RNF19B: variants seen among roughly 807,000 people sequenced by gnomAD.
RNF19B encodes the protein ring finger protein 19B.
RNF19B carries 23 observed loss-of-function variants against 65.5 expected under a neutral mutation model. The ratio of observed to expected loss-of-function variants is 0.35; its 90% CI spans 0.25 to 0.50. The LOEUF is 0.50. Ranked by LOEUF, RNF19B falls within the 20% of genes least tolerant of loss-of-function variation. The probability of loss-of-function intolerance (pLI) is 0.98; values close to 1 mark genes in which losing one functional copy is unlikely to be tolerated. For synonymous variants in RNF19B, 372 were observed against 379.6 expected (o/e 0.98, Z 0.23); for missense variants, 794 against 980.0 (o/e 0.81, Z 2.53).
At chr1:32,955,913 T>C (rs897851380) in intron 1 of RNF19B, among the ~76,000 whole-genome samples, 33 of 152,124 alleles carry the variant, frequency 2.2e-4, no homozygotes, top group African/African-American at 7.7e-4. Context: ...AAAAGAAAGG[T>C]GTAGAAAATT....
chr1:32,949,691 T>A lies in RNF19B; in HGVS notation c.719A>T (p.His240Leu). The A allele has an allele frequency of 6.2e-7, 1 of 1,613,860 alleles. No homozygotes were observed. The highest frequency in any genetic ancestry group is 8.5e-7 in the Non-Finnish European group (1 of 1,179,984). ...REGCQTEFCY[H>L]CKQIWHPNQT... ...ATTTGGATGCCATATCTGCTTGCAGTGGTAGCAGAACTCAGTCTGGCAACC... is the reference window on the plus strand; with the variant it reads ...ATTTGGATGCCATATCTGCTTGCAGAGGTAGCAGAACTCAGTCTGGCAACC... The change falls in exon 2 of 9, where the codon CAC becomes CTC. Residue 240 changes from histidine (H) to leucine (L), a missense_variant. By Grantham distance (99) the His-to-Leu change is moderately conservative. Coordinates refer to ENST00000235150, the MANE Select transcript of RNF19B (RefSeq NM_001300826.2).
At chr1:32,942,911 C>A (rs995222236) in intron 6 of RNF19B, among the ~76,000 whole-genome samples, 1 of 151,582 alleles carries the variant, frequency 6.6e-6, no homozygotes, top group Non-Finnish European at 1.5e-5. Context: ...GAGGCCGAGG[C>A]GGGCGGATCA....
At position 32,937,009 on chromosome 1, in the gene RNF19B, C is replaced by T. The variant is rs1642121414; in HGVS notation, c.1993G>A (p.Asp665Asn). 6.2e-7 allele frequency: 1 copy of T among 1,614,022 alleles called. No individual in the cohort carries two copies. Residue 665 changes from aspartate (D) to asparagine (N), a missense_variant, in exon 9 of 9, where the codon GAC (aspartate) becomes AAC (asparagine). Coordinates refer to ENST00000235150, the MANE Select transcript of RNF19B (RefSeq NM_001300826.2). ...SLAQPESIRS[D>N]LESSDAQSDD... ...GACTGTGCATCAGAACTCTCTAGGT[C>T]ACTGCGGATGCTTTCAGGCTGGGCC...
At chr1:32,950,330 T>C (rs753522948) in intron 1 of RNF19B, among the ~76,000 whole-genome samples, 10 of 152,078 alleles carry the variant, frequency 6.6e-5, no homozygotes, top group Non-Finnish European at 1.2e-4. Context: ...AAAGTGGAGG[T>C]GGAGTATCTT....
In RNF19B at chr1:32,937,088, G is replaced by T. The variant is rs1044078794; in HGVS notation, c.1914C>A (p.His638Gln). Reference protein sequence around the residue: ...GGSEEDPPCRHQSCEQKDCLA... With the variant: ...GGSEEDPPCRQQSCEQKDCLA... ...GGCAGTCTTTCTGTTCACAGCTTTG[G>T]TGTCTGCAGGGGGGATCCTCTTCAC... The change falls in exon 9 of 9, where the codon CAC becomes CAA. Residue 638 changes from histidine to glutamine, a missense_variant. By Grantham distance (24) the His-to-Gln change is conservative (BLOSUM62 0). Transcript: ENST00000235150. 6.2e-7 allele frequency: 1 copy of T among 1,614,160 alleles called. No homozygotes were observed. The highest frequency in any genetic ancestry group is 1.6e-4 in the Middle Eastern group (1 of 6,062).
At position 32,954,836 on chromosome 1, in the gene RNF19B, A is replaced by G. The variant is rs555409973; in HGVS notation, c.636-5062T>C. ...TCAAACGTAGCTAAACACGTTCTAA[A>G]ACTGCATGTGAGACCTTGTCCTCAA... is the stretch of plus-strand genomic sequence containing the variant. On this transcript the variant is annotated intron_variant, in intron 1 of 8. Transcript: ENST00000235150. Among the ~76,000 whole-genome samples the G allele has an allele frequency of 1.1e-3, 160 of 152,142 alleles. 1 individual carries two copies. Among genetic ancestry groups the G allele is most frequent in the African/African-American group, 3.7e-3 (153 of 41,550 alleles).
chr1:32,948,500 C>T, intron 2 of RNF19B, 137 bp from the exon 3 acceptor site: 1 of 841,422 alleles, frequency 1.2e-6, no homozygotes, highest in Non-Finnish European at 1.8e-6. Flanking sequence ...AATTGTACAA[C>T]CCACTTTACT....
chr1:32,934,472 GGAGTTCTA>G (rs1316572782), downstream of RNF19B, among the ~76,000 whole-genome samples: 1 of 152,106 alleles, frequency 6.6e-6, no homozygotes, highest in Admixed American at 6.6e-5. Context: ...ACTTGAGTCA[GGAGTTCTA>G]GACCAGCCTG....
At chr1:32,945,798 T>TA (rs1285974715) in intron 4 of RNF19B, among the ~76,000 whole-genome samples, 170 bp from the exon 5 acceptor site, 1 of 152,124 alleles carries the variant, frequency 6.6e-6, no homozygotes, top group Non-Finnish European at 1.5e-5. Context: ...CTGGAAGATA[T>TA]AAAGTAATAC....
Position 32,936,536 on chromosome 1 carries a change from T to A in RNF19B, c.*270A>T. 1 of 377,988 alleles carries A rather than the reference T, an allele frequency of 2.6e-6. No individual in the cohort carries two copies. 23.4% of individuals were successfully genotyped at this position (377,988 alleles called of 1,614,324 possible). ...TACACACATACATATGTACACTCTTTGACACACCTCATGGATTGCTGCCAT... is the reference window on the plus strand; with the variant it reads ...TACACACATACATATGTACACTCTTAGACACACCTCATGGATTGCTGCCAT... On this transcript the variant is annotated 3_prime_UTR_variant, in exon 9 of 9. Coordinates refer to ENST00000235150, the MANE Select transcript of RNF19B (RefSeq NM_001300826.2).
chr1:32,940,122 G>C (rs993529686), intron 7 of RNF19B, among the ~76,000 whole-genome samples: 2 of 152,248 alleles, frequency 1.3e-5, no homozygotes, highest in African/African-American at 4.8e-5. Context: ...GCAATGGAAA[G>C]TGCACAGTGT....
chr1:32,938,156 A>G (rs1172650218), intron 8 of RNF19B, among the ~76,000 whole-genome samples: 34 of 151,116 alleles, frequency 2.2e-4, no homozygotes, highest in South Asian at 2.1e-4. Flanking sequence ...AAAAAAAAAA[A>G]AAAAGAAAAA....
chr1:32,943,068 G>T (rs1015537410), intron 6 of RNF19B, among the ~76,000 whole-genome samples: 2 of 151,312 alleles, frequency 1.3e-5, no homozygotes, highest in Admixed American at 6.6e-5. Flanking sequence ...GCGAACCCAG[G>T]AGCCGGAGCC....
At chr1:32,933,220 A>T (rs1430349605), downstream of RNF19B, among the ~76,000 whole-genome samples, 1 of 152,066 alleles carries the variant, frequency 6.6e-6, no homozygotes, top group Non-Finnish European at 1.5e-5. Flanking sequence ...TATGAAGAGG[A>T]AATTAAACTT....
downstream of RNF19B, among the ~76,000 whole-genome samples, chr1:32,933,244 A>T (rs1173770304): frequency 6.7e-6 from 1 of 149,402 alleles, no homozygotes; most frequent in African/African-American, 2.5e-5. Context: ...CCATTTTCTA[A>T]GCTATTATTA....
intron 1 of RNF19B, among the ~76,000 whole-genome samples, chr1:32,958,918 G>A (rs1406401913): frequency 6.6e-6 from 1 of 152,102 alleles, no homozygotes; most frequent in Non-Finnish European, 1.5e-5. Context: ...TGGGATGGAG[G>A]TTGGTGTACG....
chr1:32,934,539 G>C (rs1187922161), downstream of RNF19B, among the ~76,000 whole-genome samples: 1 of 151,962 alleles, frequency 6.6e-6, no homozygotes, highest in African/African-American at 2.4e-5. Context: ...AAATTAGCCG[G>C]GTGTGGTGGC....
chr1:32,933,366 T>C (rs1235164077), downstream of RNF19B, among the ~76,000 whole-genome samples: 1 of 152,114 alleles, frequency 6.6e-6, no homozygotes, highest in Non-Finnish European at 1.5e-5. Context: ...GCCATTCTCC[T>C]GCCTCAGCCT....
intron 7 of RNF19B, among the ~76,000 whole-genome samples, chr1:32,940,554 G>A (rs1642208878): frequency 1.3e-5 from 2 of 152,002 alleles, no homozygotes; most frequent in Non-Finnish European, 2.9e-5. Flanking sequence ...TCTCTATACT[G>A]AACCAAAATT....
Sources: gnomAD v4.1 joint callset for allele counts (sites outside exome capture counted in the v4.1 genomes callset) on GRCh38, gnomAD v4.1.1 for gene constraint, MANE v1.5 for transcripts, NCBI Gene and HGNC (gene_info 2026-07-23, HGNC 2026-07-21) for gene names.